RBFOX1: variants seen among roughly 807,000 people sequenced by gnomAD.
RBFOX1 encodes the protein RNA binding fox-1 homolog 1.
A neutral mutation model predicts 57.7 loss-of-function variants in RBFOX1; 8 were observed. The observed-to-expected ratio is 0.14, with a 90% CI of 0.08 to 0.25. The LOEUF (loss-of-function observed/expected upper bound fraction) is 0.25. RBFOX1 is among the 10% of genes least tolerant of loss of function. RBFOX1 has a pLI of 1.00. For synonymous variants in RBFOX1, 326 were observed against 222.4 expected, an observed-to-expected ratio of 1.47 and a Z score of -4.15; for missense variants, 611 against 548.5, an observed-to-expected ratio of 1.11 and a Z score of -1.14.
intron 2 of RBFOX1, among the ~76,000 whole-genome samples, chr16:6,438,710 C>G (rs1184111682): frequency 6.6e-6 from 1 of 152,144 alleles, no homozygotes; most frequent in East Asian, 1.9e-4. Flanking sequence ...TTCGGGCTTT[C>G]CATAGACATT....
At chr16:5,666,962 A>G (rs988444735) in intron 3 of RBFOX1, among the ~76,000 whole-genome samples, 4 of 152,176 alleles carry the variant, frequency 2.6e-5, no homozygotes, top group African/African-American at 9.7e-5. Flanking sequence ...CATGAAGAAA[A>G]AAATAGGGCA....
intron 2 of RBFOX1, among the ~76,000 whole-genome samples, chr16:6,411,580 A>G (rs1354183665): frequency 1.3e-5 from 2 of 152,190 alleles, no homozygotes; most frequent in Non-Finnish European, 2.9e-5. Context: ...TGCAATTATT[A>G]CCCGAGCTAT....
At chr16:6,553,237 G>T (rs369729645) in intron 2 of RBFOX1, among the ~76,000 whole-genome samples, 9 of 152,164 alleles carry the variant, frequency 5.9e-5, no homozygotes, top group African/African-American at 1.9e-4. Context: ...GGCAAGAAGG[G>T]TCATCACTAT....
intron 7 of RBFOX1, among the ~76,000 whole-genome samples, chr16:7,590,863 G>GAAAAAAAAAAAAAAA (rs36061659): frequency 9.7e-6 from 1 of 102,926 alleles, no homozygotes. Flanking sequence ...CTGTCTCTAA[G>GAAAAAAAAAAAAAAA]AAAAAAAAAA....
chr16:5,976,074 G>T (rs946248666), intron 4 of RBFOX1, among the ~76,000 whole-genome samples: 2 of 152,104 alleles, frequency 1.3e-5, no homozygotes, highest in Non-Finnish European at 2.9e-5. Context: ...AACCTGGGAG[G>T]CGGAGGTTGC....
At chr16:7,160,228 T>C (rs992954359) in intron 4 of RBFOX1, among the ~76,000 whole-genome samples, 1 of 152,148 alleles carries the variant, frequency 6.6e-6, no homozygotes, top group African/African-American at 2.4e-5. Flanking sequence ...GCAAAGAGTT[T>C]TATGACTATG....
intron 3 of RBFOX1, among the ~76,000 whole-genome samples, chr16:6,974,813 C>T (rs1265981489): frequency 3.3e-5 from 5 of 152,114 alleles, no homozygotes; most frequent in African/African-American, 1.2e-4. Flanking sequence ...CCAGTCACTC[C>T]CTTGGCTTGT....
chr16:7,392,710 G>A (rs1459891983), intron 4 of RBFOX1, among the ~76,000 whole-genome samples: 1 of 152,146 alleles, frequency 6.6e-6, no homozygotes, highest in African/African-American at 2.4e-5. Flanking sequence ...ATTATGTTAA[G>A]AAACTGAAAA....
chr16:6,961,970 AT>A (rs35134937), intron 3 of RBFOX1, among the ~76,000 whole-genome samples: 92,911 of 151,830 alleles, frequency 0.61, 28,541 homozygotes, highest in Non-Finnish European at 0.63. Context: ...GTGACTAAGA[AT>A]GTCTAACCTC....
At chr16:6,830,546 G>A (rs1467348264) in intron 3 of RBFOX1, among the ~76,000 whole-genome samples, 2 of 152,116 alleles carry the variant, frequency 1.3e-5, no homozygotes, top group African/African-American at 2.4e-5. Flanking sequence ...GGCAATATCT[G>A]GAGGCATTCT....
intron 3 of RBFOX1, among the ~76,000 whole-genome samples, chr16:6,898,614 G>A (rs1183642984): frequency 2.6e-5 from 4 of 152,066 alleles, no homozygotes; most frequent in African/African-American, 7.2e-5. Context: ...AAGGAAGTAG[G>A]TTATTTTTAA....
intron 1 of RBFOX1, among the ~76,000 whole-genome samples, chr16:6,270,023 G>T (rs1264944625): frequency 6.6e-6 from 1 of 152,084 alleles, no homozygotes; most frequent in Non-Finnish European, 1.5e-5. Context: ...ACCAGGCTGT[G>T]ACAAGTTATG....
At chr16:5,658,772 A>ATGTATATATGTATATATATAATATATG (rs1567358634) in intron 3 of RBFOX1, among the ~76,000 whole-genome samples, 2 of 142,358 alleles carry the variant, frequency 1.4e-5, no homozygotes, top group African/African-American at 5.4e-5. Flanking sequence ...GTATGTATAT[A>ATGTATATATGTATATATATAATATATG]TGTATATATG....
At position 7,422,562 on chromosome 16, in the gene RBFOX1, A is replaced by T. The variant is rs149072365; in HGVS notation, c.28-95585A>T. ...TCAAATGAGAAGTCAAATCAAATAA[A>T]GTTCATAGTGCATTAACCGGATGGA... On this transcript the variant is annotated intron_variant, in intron 4 of 15. Coordinates refer to ENST00000550418, the MANE Select transcript of RBFOX1 (RefSeq NM_018723.4). Among the ~76,000 whole-genome samples, 123 of 152,366 alleles carry T rather than the reference A, an allele frequency of 8.1e-4. No homozygotes were observed. The East Asian group carries it at 0.016, about 20-fold the overall frequency.
intron 10 of RBFOX1, among the ~76,000 whole-genome samples, chr16:7,623,315 A>G (rs572539592): frequency 6.6e-6 from 1 of 152,270 alleles, no homozygotes; most frequent in Non-Finnish European, 1.5e-5. Flanking sequence ...TATTTCTATT[A>G]TTATTACATT....
intron 2 of RBFOX1, among the ~76,000 whole-genome samples, chr16:5,498,010 A>G (rs1320877993): frequency 6.6e-6 from 1 of 152,130 alleles, no homozygotes; most frequent in Non-Finnish European, 1.5e-5. Flanking sequence ...AAGATGGGGA[A>G]AGCTGTCATT....
At chr16:6,023,883 G>A (rs1483196434) in intron 1 of RBFOX1, among the ~76,000 whole-genome samples, 1 of 152,196 alleles carries the variant, frequency 6.6e-6, no homozygotes, top group Non-Finnish European at 1.5e-5. Flanking sequence ...CTGCCTCGAG[G>A]CACAGGTATA....
chr16:7,455,699 A>G (rs1216864062), intron 4 of RBFOX1, among the ~76,000 whole-genome samples: 1 of 145,790 alleles, frequency 6.9e-6, no homozygotes, highest in Non-Finnish European at 1.5e-5. Context: ...AGGTGGGAGA[A>G]TTGCTTGACC....
intron 4 of RBFOX1, among the ~76,000 whole-genome samples, chr16:6,011,202 T>C (rs933620706): frequency 6.6e-6 from 1 of 152,270 alleles, no homozygotes; most frequent in African/African-American, 2.4e-5. Context: ...AAGCTATGTA[T>C]GTTCTGATTA....
Sources: allele counts gnomAD v4.1 joint callset (sites outside exome capture counted in the v4.1 genomes callset), GRCh38; gene constraint gnomAD v4.1.1; transcripts MANE v1.5; gene names NCBI Gene and HGNC (gene_info 2026-07-23, HGNC 2026-07-21).